The following LYPLAL1 variants were observed in gnomAD, a reference collection of about 807,000 sequenced individuals.
The protein encoded by LYPLAL1 is lysophospholipase-like protein 1.
LYPLAL1 carries 23 observed loss-of-function variants against 19.7 expected under a neutral mutation model. The observed-to-expected ratio is 1.17, with a 90% CI of 0.84 to 1.65. LYPLAL1 has a LOEUF of 1.65. Ranked by LOEUF, LYPLAL1 falls within the 40% of genes most tolerant of loss-of-function variation. LYPLAL1 has a pLI of 0.00. For missense variants in LYPLAL1, 355 were observed against 279.4 expected (o/e 1.27, Z -1.93); for synonymous variants, 119 against 96.3 (o/e 1.24, Z -1.38).
chr1:219,210,565 A>G lies in LYPLAL1; in HGVS notation c.395A>G (p.His132Arg), dbSNP rs1658939113. 2 of 1,609,474 alleles carry G rather than the reference A, an allele frequency of 1.2e-6. No homozygotes were observed. The highest frequency in any genetic ancestry group is 1.3e-5 in the African/African-American group (1 of 74,836). The part of the protein sequence containing the change: ...GFSMGGCMAI[H>R]LAYRNHQDVA... The stretch of plus-strand genomic sequence containing the variant: ...TCTATGGGAGGATGCATGGCAATAC[A>G]TTTAGCATATAGAAATCATCAAGAT... Residue 132 changes from histidine to arginine, a missense_variant, in exon 4 of 5, where the codon CAT (histidine) becomes CGT (arginine). His to Arg is a conservative substitution (Grantham distance 29). Transcript: ENST00000366928.
chr1:219,421,817 TTAAA>T, the LYPLAL1 span, among the ~76,000 whole-genome samples: 6 of 152,160 alleles, frequency 3.9e-5, no homozygotes, highest in Admixed American at 2.0e-4. Context: ...CTAAAAATAA[TTAAA>T]TAAAGAATAT....
At chr1:219,392,097 CTCCCCTGTTTGGGG>C in the LYPLAL1 span, among the ~76,000 whole-genome samples, 3 of 152,148 alleles carry the variant, frequency 2.0e-5, no homozygotes, top group Non-Finnish European at 2.9e-5. Context: ...GCATCTCAGA[CTCCCCTGTTTGGGG>C]TCATCTGTCT....
the LYPLAL1 span, among the ~76,000 whole-genome samples, chr1:219,333,233 T>C: frequency 2.6e-3 from 393 of 152,210 alleles, 3 homozygotes; most frequent in African/African-American, 8.1e-3. Flanking sequence ...AATTTCACTT[T>C]GCCATATAAC....
At chr1:219,311,198 T>G in the LYPLAL1 span, among the ~76,000 whole-genome samples, 1 of 152,166 alleles carries the variant, frequency 6.6e-6, no homozygotes, top group Non-Finnish European at 1.5e-5. Flanking sequence ...ACCACAACCT[T>G]TATCTTTCAG....
the LYPLAL1 span, among the ~76,000 whole-genome samples, chr1:219,368,091 A>C: frequency 2.0e-5 from 3 of 152,224 alleles, no homozygotes; most frequent in Non-Finnish European, 4.4e-5. Flanking sequence ...ATAACAAAAA[A>C]AAGTAAAAAT....
At chr1:219,241,643 G>A in the LYPLAL1 span, among the ~76,000 whole-genome samples, 1 of 152,190 alleles carries the variant, frequency 6.6e-6, no homozygotes, top group Non-Finnish European at 1.5e-5. Flanking sequence ...GTCAATGGAA[G>A]AGACCACTAC....
chr1:219,295,388 T>G, the LYPLAL1 span, among the ~76,000 whole-genome samples: 12 of 152,330 alleles, frequency 7.9e-5, no homozygotes, highest in African/African-American at 2.4e-4. Context: ...ATTGTAAATT[T>G]GTCTTGATTT....
chr1:219,221,558 C>T, the LYPLAL1 span, among the ~76,000 whole-genome samples: 77 of 152,248 alleles, frequency 5.1e-4, no homozygotes, highest in African/African-American at 1.8e-3. Context: ...TCAGTTTCAA[C>T]AAGAACCCAC....
the LYPLAL1 span, among the ~76,000 whole-genome samples, chr1:219,261,151 A>G: frequency 6.6e-6 from 1 of 152,204 alleles, no homozygotes; most frequent in Non-Finnish European, 1.5e-5. Context: ...ATAAGCTATC[A>G]TTAAACCTCA....
chr1:219,381,663 A>G, the LYPLAL1 span, among the ~76,000 whole-genome samples: 1 of 152,214 alleles, frequency 6.6e-6, no homozygotes, highest in Non-Finnish European at 1.5e-5. Flanking sequence ...AACACAAAAT[A>G]GGAGAGTGCC....
chr1:219,189,671 C>G (rs1403451723), intron 2 of LYPLAL1, among the ~76,000 whole-genome samples: 2 of 151,458 alleles, frequency 1.3e-5, no homozygotes, highest in African/African-American at 4.8e-5. Flanking sequence ...AAGATTTTAT[C>G]TTTTCTGCAG....
At chr1:219,281,803 T>C in the LYPLAL1 span, among the ~76,000 whole-genome samples, 1 of 152,224 alleles carries the variant, frequency 6.6e-6, no homozygotes, top group Non-Finnish European at 1.5e-5. Flanking sequence ...ATTAGATTTT[T>C]TCTTTTTTTC....
At chr1:219,380,178 T>G in the LYPLAL1 span, among the ~76,000 whole-genome samples, 19 of 152,198 alleles carry the variant, frequency 1.2e-4, 1 homozygote, top group Non-Finnish European at 2.5e-4. Flanking sequence ...AGTTGGGGTC[T>G]TGTGAGGAGA....
At chr1:219,415,850 G>T in the LYPLAL1 span, among the ~76,000 whole-genome samples, 1 of 152,262 alleles carries the variant, frequency 6.6e-6, no homozygotes, top group Admixed American at 6.5e-5. Context: ...AGTGCCCCTT[G>T]GCTTGCAGCT....
the LYPLAL1 span, among the ~76,000 whole-genome samples, chr1:219,415,557 C>T: frequency 6.6e-6 from 1 of 152,156 alleles, no homozygotes; most frequent in East Asian, 1.9e-4. Context: ...GGTACCAAAG[C>T]AAAATACTAG....
the LYPLAL1 span, among the ~76,000 whole-genome samples, chr1:219,268,404 C>T: frequency 6.6e-6 from 1 of 152,242 alleles, no homozygotes; most frequent in Non-Finnish European, 1.5e-5. Context: ...GTGCTAAGGC[C>T]TCTAAACATG....
the LYPLAL1 span, among the ~76,000 whole-genome samples, chr1:219,287,143 A>G: frequency 6.6e-6 from 1 of 152,198 alleles, no homozygotes; most frequent in Admixed American, 6.5e-5. Context: ...TATTGGCCTC[A>G]ATCTGATACC....
rs1230258843 is a variant in LYPLAL1, at chr1:219,173,897, G to A, written c.7G>A (p.Ala3Thr). 2 of 1,612,672 alleles carry A rather than the reference G, an allele frequency of 1.2e-6. No homozygotes were observed. The highest frequency in any genetic ancestry group is 1.7e-6 in the Non-Finnish European group (2 of 1,179,876). Residue 3 changes from alanine to threonine, a missense_variant, in exon 1 of 5, where the codon GCT (alanine) becomes ACT (threonine). Coordinates refer to ENST00000366928, the MANE Select transcript of LYPLAL1 (RefSeq NM_138794.5). Reference protein sequence around the residue: MAAASGSVLQRCI... With the variant: MATASGSVLQRCI... ...ACTGGCAGTGGCATCAGCGATGGCG[G>A]CTGCGTCGGGGTCGGTTCTGCAGCG...
the LYPLAL1 span, among the ~76,000 whole-genome samples, chr1:219,219,908 A>C: frequency 2.0e-5 from 3 of 151,690 alleles, no homozygotes; most frequent in Non-Finnish European, 4.4e-5. Flanking sequence ...CTTTAATTTA[A>C]ATTTAAGGTG....
Sources: allele counts gnomAD v4.1 joint callset (sites outside exome capture counted in the v4.1 genomes callset), GRCh38; gene constraint gnomAD v4.1.1; transcripts MANE v1.5; gene names NCBI Gene and HGNC (gene_info 2026-07-23, HGNC 2026-07-21).